KLRG1: variants seen among roughly 807,000 people sequenced by gnomAD.
The protein encoded by KLRG1 is killer cell lectin-like receptor subfamily G member 1.
In KLRG1, 16 loss-of-function variants were observed where a neutral mutation model predicts 21.8. The observed-to-expected ratio is 0.73, with a 90% confidence interval of 0.50 to 1.11. The LOEUF (loss-of-function observed/expected upper bound fraction) is 1.11. Ranked by LOEUF, KLRG1 falls within the 50% of genes most tolerant of loss-of-function variation. The pLI, the probability that KLRG1 is intolerant of heterozygous loss-of-function variation, is 0.00. For synonymous variants in KLRG1, 69 were observed against 75.9 expected, an observed-to-expected ratio of 0.91 and a Z score of 0.47; for missense variants, 173 against 218.3, an observed-to-expected ratio of 0.79 and a Z score of 1.31.
chr12:9,114,811 T>G, the KLRG1 span, among the ~76,000 whole-genome samples: 1 of 152,108 alleles, frequency 6.6e-6, no homozygotes, highest in Non-Finnish European at 1.5e-5. Context: ...AACCATAAAT[T>G]TATAAATATT....
chr12:9,079,302 A>G, the KLRG1 span: 2 of 1,613,658 alleles, frequency 1.2e-6, no homozygotes, highest in African/African-American at 2.7e-5. Context: ...GAGCCATCAT[A>G]GTGTTTGTAG....
chr12:8,962,632 C>T (rs1316116240), intron 1 of KLRG1, among the ~76,000 whole-genome samples: 9 of 150,626 alleles, frequency 6.0e-5, no homozygotes, highest in African/African-American at 2.0e-4. Flanking sequence ...GGGAGGATAG[C>T]TTGAGCCCAG....
At chr12:8,999,178 A>G (rs188048502) in intron 3 of KLRG1, among the ~76,000 whole-genome samples, 76 of 152,112 alleles carry the variant, frequency 5.0e-4, no homozygotes, top group Middle Eastern at 3.4e-3. Flanking sequence ...CTATGAGTAT[A>G]TCTTTAGATG....
At chr12:9,164,045 C>A in the KLRG1 span, 1 of 1,455,984 alleles carries the variant, frequency 6.9e-7, no homozygotes. Flanking sequence ...ATATCTATGG[C>A]AAATAAAAGA....
At chr12:8,999,350 A>G (rs2137379612) in intron 3 of KLRG1, among the ~76,000 whole-genome samples, 1 of 152,292 alleles carries the variant, frequency 6.6e-6, no homozygotes, top group East Asian at 1.9e-4. Flanking sequence ...ATTTCTTTAA[A>G]TCTATTCTGA....
chr12:9,113,621 A>G, the KLRG1 span: 17 of 1,375,634 alleles, frequency 1.2e-5, no homozygotes, highest in African/African-American at 2.2e-4. Context: ...TTCCATCATC[A>G]TAATTATCAT....
At chr12:8,967,534 C>A (rs1452956473) in intron 1 of KLRG1, among the ~76,000 whole-genome samples, 1 of 151,932 alleles carries the variant, frequency 6.6e-6, no homozygotes, top group Non-Finnish European at 1.5e-5. Flanking sequence ...CCAGCTGTGG[C>A]AACATAGCGA....
the KLRG1 span, among the ~76,000 whole-genome samples, chr12:9,055,318 T>G: frequency 6.6e-6 from 1 of 152,238 alleles, no homozygotes; most frequent in Non-Finnish European, 1.5e-5. Context: ...GCAAAAAATG[T>G]TTCCACTCAG....
chr12:9,196,403 G>C, the KLRG1 span: 1 of 1,613,722 alleles, frequency 6.2e-7, no homozygotes, highest in South Asian at 1.1e-5. Context: ...TACAATGTTT[G>C]TGATTTCACT....
At chr12:9,127,343 GT>G in the KLRG1 span, among the ~76,000 whole-genome samples, 1 of 152,142 alleles carries the variant, frequency 6.6e-6, no homozygotes, top group African/African-American at 2.4e-5. Context: ...TTGAAGCCTG[GT>G]TCCCTCTTAA....
intron 1 of KLRG1, among the ~76,000 whole-genome samples, chr12:8,960,912 G>C (rs1353349738): frequency 2.0e-5 from 3 of 152,138 alleles, no homozygotes; most frequent in Non-Finnish European, 2.9e-5. Context: ...TTATTTGAGG[G>C]GACGAGGTGT....
the KLRG1 span, among the ~76,000 whole-genome samples, chr12:9,199,687 A>C: frequency 2.0e-5 from 3 of 152,198 alleles, no homozygotes; most frequent in African/African-American, 4.8e-5. Flanking sequence ...TTAAACCTCT[A>C]AGATATTTAT....
chr12:9,010,942 A>C (rs1168491084), downstream of KLRG1, among the ~76,000 whole-genome samples: 1 of 152,140 alleles, frequency 6.6e-6, no homozygotes, highest in African/African-American at 2.4e-5. Context: ...ACAAGCTCCC[A>C]TCCCCTAGTG....
chr12:8,953,036 T>C (rs780677165), intron 1 of KLRG1, among the ~76,000 whole-genome samples: 1 of 109,562 alleles, frequency 9.1e-6, no homozygotes, highest in East Asian at 2.9e-4. Flanking sequence ...GACCCGTCCA[T>C]AGCTAGTGAC....
chr12:9,149,684 A>G, the KLRG1 span: 1 of 1,405,560 alleles, frequency 7.1e-7, no homozygotes, highest in Non-Finnish European at 9.8e-7. Flanking sequence ...TCACTTTACT[A>G]CTGGAGAAAA....
At chr12:9,089,902 T>G in the KLRG1 span, 1 of 1,608,482 alleles carries the variant, frequency 6.2e-7, no homozygotes, top group Non-Finnish European at 8.5e-7. Context: ...GTTTACTTAC[T>G]TCAACCAACA....
chr12:9,099,431 C>T, the KLRG1 span: 6 of 1,590,900 alleles, frequency 3.8e-6, no homozygotes, highest in South Asian at 1.1e-5. Context: ...TCCCCAATCA[C>T]GTCCCCGGTA....
At chr12:9,083,954 C>T in the KLRG1 span, among the ~76,000 whole-genome samples, 1 of 151,952 alleles carries the variant, frequency 6.6e-6, no homozygotes, top group African/African-American at 2.4e-5. Context: ...ATATCACATA[C>T]AAAGGAATTC....
the KLRG1 span, chr12:9,094,876 C>T: frequency 1.7e-6 from 1 of 593,476 alleles, no homozygotes; most frequent in South Asian, 4.0e-5. Flanking sequence ...CTCACATGTC[C>T]TTTTTGTTTG....
Sources: gnomAD v4.1 joint callset for allele counts (sites outside exome capture counted in the v4.1 genomes callset) on GRCh38, gnomAD v4.1.1 for gene constraint, MANE v1.5 for transcripts, NCBI Gene and HGNC (gene_info 2026-07-23, HGNC 2026-07-21) for gene names.